Variants in INPP5F observed in about 807,000 individuals in gnomAD.
INPP5F encodes the protein phosphatidylinositide 4-phosphatase SAC2.
INPP5F carries 97 observed loss-of-function variants against 137.2 expected under a neutral mutation model. The ratio of observed to expected loss-of-function variants is 0.71; its 90% CI spans 0.60 to 0.84. INPP5F has a LOEUF of 0.84. Among genes scored for constraint, INPP5F ranks in the 40% least tolerant of loss-of-function variants. The probability of loss-of-function intolerance (pLI) is 0.00; values close to 1 mark genes in which losing one functional copy is unlikely to be tolerated. For synonymous variants in INPP5F, 504 were observed against 476.9 expected, an observed-to-expected ratio of 1.06 and a Z score of -0.74; for missense variants, 1,271 against 1,371.9, an observed-to-expected ratio of 0.93 and a Z score of 1.16.
rs543781515 is a variant in INPP5F at position 119,739,040 on chromosome 10, G to A, written c.98-12036G>A. ...CTACTAAGAAAAAAAAAAAAATGAG[G>A]TGGGCATCATGGCGTGTGCCTGTAT... On this transcript the variant is annotated intron_variant, in intron 1 of 19. Coordinates refer to ENST00000650623, the MANE Select transcript of INPP5F (RefSeq NM_014937.4). 7.2e-5 allele frequency among the ~76,000 whole-genome samples: 11 copies of A among 152,060 alleles called. No individual in the cohort carries two copies. The East Asian group carries it at 1.2e-3, about 16-fold the overall frequency.
intron 1 of INPP5F, among the ~76,000 whole-genome samples, chr10:119,744,659 C>T (rs1848476731): frequency 6.6e-6 from 1 of 152,170 alleles, no homozygotes; most frequent in African/African-American, 2.4e-5. Flanking sequence ...TCAAGTGATC[C>T]TCCTGCCTCA....
chr10:119,782,282 C>T (rs906276335), intron 3 of INPP5F, among the ~76,000 whole-genome samples: 1 of 152,176 alleles, frequency 6.6e-6, no homozygotes, highest in Non-Finnish European at 1.5e-5. Flanking sequence ...CTCAAGTCCA[C>T]AAGTAGAGTG....
At chr10:119,813,826 G>C (rs1199904069) in intron 15 of INPP5F, among the ~76,000 whole-genome samples, 1 of 152,100 alleles carries the variant, frequency 6.6e-6, no homozygotes, top group Non-Finnish European at 1.5e-5. Flanking sequence ...GTGAGACACT[G>C]TCTCTTAAAA....
In INPP5F at chr10:119,785,534, T is replaced by TAG. The variant is rs1564828471; in HGVS notation, c.315+3763_315+3764insAG. 1.1e-3 allele frequency among the ~76,000 whole-genome samples: 32 copies of TAG among 28,998 alleles called. 1 individual carries two copies. The highest frequency in any genetic ancestry group is 3.9e-3 in the African/African-American group (31 of 7,886). The allele number at this position is 28,998 out of a possible 152,430, so 19.0% of individuals were successfully genotyped here. ...TTGATCTCCTGACCTTGTGATCCGCTCGAGAGAGAGAGAGAGAGAGAGAGA... is the reference window on the plus strand; with the variant it reads ...TTGATCTCCTGACCTTGTGATCCGCTAGCGAGAGAGAGAGAGAGAGAGAGAGA... On this transcript the variant is annotated intron_variant, in intron 3 of 19. Coordinates refer to ENST00000650623, the MANE Select transcript of INPP5F (RefSeq NM_014937.4).
chr10:119,771,846 A>G (rs1468784234), intron 2 of INPP5F, among the ~76,000 whole-genome samples: 6 of 4,524 alleles, frequency 1.3e-3, no homozygotes, highest in Non-Finnish European at 1.7e-3. Context: ...AAGTATGGAG[A>G]TATATATATA....
Position 119,726,231 on chromosome 10 carries a change from GGCC to G in INPP5F, c.-25_-23del. ...TAGGACGCCCCGTGCGCCGCCCGCG[GGCC>G]GCCGCCTCCCTGGGCGCGCGGGGCC... On this transcript the variant is annotated 5_prime_UTR_variant, in exon 1 of 20. Coordinates refer to ENST00000650623, the MANE Select transcript of INPP5F (RefSeq NM_014937.4). 7.2e-7 allele frequency: 1 copy of G among 1,397,900 alleles called. No homozygotes were observed. The highest frequency in any genetic ancestry group is 9.4e-7 in the Non-Finnish European group (1 of 1,065,230). The allele number at this position is 1,397,900 out of a possible 1,614,324, so 86.6% of individuals were successfully genotyped here.
chr10:119,741,158 T>A (rs1203023896), intron 1 of INPP5F, among the ~76,000 whole-genome samples: 1 of 152,200 alleles, frequency 6.6e-6, no homozygotes, highest in Non-Finnish European at 1.5e-5. Context: ...CACATCCAAG[T>A]AGCTGAATTC....
Position 119,798,584 on chromosome 10 carries a change from GAAC to G in INPP5F, c.1094_1096del (p.Gln365del). On this transcript the variant is annotated inframe_deletion, in exon 9 of 20. Coordinates refer to ENST00000650623, the MANE Select transcript of INPP5F (RefSeq NM_014937.4). ...TGCCTATTTCTGTGCCCATTTCGAAGAACAACTGAACATTTACAAAAAACAGGT... is the reference window on the plus strand; with the variant it reads ...TGCCTATTTCTGTGCCCATTTCGAAGAACTGAACATTTACAAAAAACAGGT... 6.2e-7 allele frequency: 1 copy of G among 1,612,006 alleles called. No homozygotes were observed. Among genetic ancestry groups the G allele is most frequent in the Non-Finnish European group, 8.5e-7 (1 of 1,178,890 alleles).
chr10:119,795,223 C>T (rs1328765947), intron 6 of INPP5F, among the ~76,000 whole-genome samples: 12 of 151,078 alleles, frequency 7.9e-5, no homozygotes, highest in Admixed American at 3.3e-4. Context: ...GCGCCCCTCA[C>T]CTCCTGGACG....
At position 119,820,877 on chromosome 10, in the gene INPP5F, GTGC is replaced by G. The variant is rs1564854007; in HGVS notation, c.1921_1923del (p.Leu644del). On this transcript the variant is annotated inframe_deletion, in exon 16 of 20. Coordinates refer to ENST00000650623, the MANE Select transcript of INPP5F (RefSeq NM_014937.4). ...TGATGCTACTCACAGAGACGTGGATGTGCTGTTACTGCTTTCTAACTCTGCCTA... is the reference window on the plus strand; with the variant it reads ...TGATGCTACTCACAGAGACGTGGATGTGTTACTGCTTTCTAACTCTGCCTA... 8 of 1,611,986 alleles carry G rather than the reference GTGC, an allele frequency of 5.0e-6. No individual in the cohort carries two copies. The highest frequency in any genetic ancestry group is 6.8e-6 in the Non-Finnish European group (8 of 1,178,050).
chr10:119,826,455 T>A (rs1295139159), intron 19 of INPP5F, among the ~76,000 whole-genome samples, 176 bp from the exon 20 acceptor site: 1 of 152,264 alleles, frequency 6.6e-6, no homozygotes, highest in African/African-American at 2.4e-5. Context: ...ATTTCATATA[T>A]TTCTATTGGA....
At position 119,827,600 on chromosome 10, in the gene INPP5F, G is replaced by A. The variant is rs1301238199; in HGVS notation, c.3219G>A (p.Lys1073=). The change falls in exon 20 of 20, where the codon AAG becomes AAA. Residue 1073 remains lysine, a synonymous_variant. Transcript: ENST00000650623. ...GCAGAGCAGTCTCTCCCTTTGCCAA[G>A]ATTCGAAGTTCCATGGTCCAGGTTG... ...SSSRAVSPFA[K]IRSSMVQVAS... 5 of 1,614,060 alleles carry A rather than the reference G, an allele frequency of 3.1e-6. No individual in the cohort carries two copies. In the African/African-American group the frequency reaches 5.3e-5, roughly 17 times the overall value.
intron 2 of INPP5F, among the ~76,000 whole-genome samples, chr10:119,772,310 A>G (rs1440526232): frequency 6.6e-6 from 1 of 152,168 alleles, no homozygotes; most frequent in African/African-American, 2.4e-5. Context: ...AATTCCAGAT[A>G]TAGTAAGGAC....
rs772216335 is a variant in INPP5F at position 119,829,111 on chromosome 10, GATT to G, written c.*1336_*1338del. ...TTTTTTTTTACGTGTTAAATCTTGT[GATT>G]ATTAAAATAAAGTACCATTGTAATT... On this transcript the variant is annotated 3_prime_UTR_variant, in exon 20 of 20. Transcript: ENST00000650623. 17 of 152,482 alleles carry G rather than the reference GATT, an allele frequency of 1.1e-4. No homozygotes were observed. The highest frequency in any genetic ancestry group is 3.4e-3 in the Middle Eastern group (1 of 294). 9.4% of individuals were successfully genotyped at this position (152,482 alleles called of 1,614,324 possible). A position where few individuals can be genotyped will look rare whatever the true frequency, so the allele number is the denominator to read the frequency against.
chr10:119,780,969 C>G (rs576808202), intron 2 of INPP5F, among the ~76,000 whole-genome samples: 1 of 152,238 alleles, frequency 6.6e-6, no homozygotes, highest in Admixed American at 6.5e-5. Context: ...CGAGGGATGG[C>G]TGTATGTTAA....
intron 3 of INPP5F, among the ~76,000 whole-genome samples, chr10:119,790,967 C>G (rs776294586): frequency 6.6e-6 from 1 of 152,180 alleles, no homozygotes; most frequent in Non-Finnish European, 1.5e-5. Context: ...TCTCCGGACC[C>G]AAAGTGTATG....
chr10:119,794,876 C>T (rs1225798666), intron 6 of INPP5F, among the ~76,000 whole-genome samples: 6 of 106,018 alleles, frequency 5.7e-5, no homozygotes, highest in South Asian at 5.0e-4. Flanking sequence ...CCCTCCCGGA[C>T]GGGGCGGCTG....
At chr10:119,785,684 C>T (rs1348323281) in intron 3 of INPP5F, among the ~76,000 whole-genome samples, 3 of 151,932 alleles carry the variant, frequency 2.0e-5, no homozygotes, top group African/African-American at 7.3e-5. Flanking sequence ...CATAGCAAGA[C>T]CCTGTCTCTA....
chr10:119,818,823 C>T (rs1851411913), intron 15 of INPP5F: 1 of 152,304 alleles, frequency 6.6e-6, no homozygotes, highest in Non-Finnish European at 1.5e-5. Flanking sequence ...ATGCCGCGCT[C>T]TCACAGGCCT....
Sources: allele counts gnomAD v4.1 joint callset (sites outside exome capture counted in the v4.1 genomes callset), GRCh38; gene constraint gnomAD v4.1.1; transcripts MANE v1.5; gene names NCBI Gene and HGNC (gene_info 2026-07-23, HGNC 2026-07-21).